Variants in IDH3A observed in about 807,000 individuals in gnomAD.
The protein encoded by IDH3A is isocitrate dehydrogenase (NAD(+)) 3 catalytic subunit alpha.
IDH3A carries 23 observed loss-of-function variants against 43.3 expected under a neutral mutation model. That is an observed-to-expected ratio of 0.53 (90% CI 0.38 to 0.75). The LOEUF is 0.75. IDH3A is among the 30% of genes least tolerant of loss of function. IDH3A has a pLI of 0.00. For synonymous variants in IDH3A, 154 were observed against 163.5 expected, an observed-to-expected ratio of 0.94 and a Z score of 0.44; for missense variants, 329 against 474.4, an observed-to-expected ratio of 0.69 and a Z score of 2.85.
chr15:78,156,830 T>C, intron 2 of IDH3A: 1 of 1,169,534 alleles, frequency 8.6e-7, no homozygotes, highest in Non-Finnish European at 1.2e-6. Flanking sequence ...TGTTACATTA[T>C]AAAAACAATA....
intron 3 of IDH3A, among the ~76,000 whole-genome samples, chr15:78,159,517 T>G (rs912708565): frequency 9.2e-5 from 14 of 152,236 alleles, no homozygotes; most frequent in African/African-American, 2.9e-4. Context: ...ACTTATGATA[T>G]TCTAACTATA....
intron 2 of IDH3A, among the ~76,000 whole-genome samples, chr15:78,156,376 G>C (rs1567069134): frequency 1.3e-5 from 2 of 152,170 alleles, no homozygotes; most frequent in Non-Finnish European, 2.9e-5. Flanking sequence ...CTAAGACTGA[G>C]GTGGGAGATT....
chr15:78,156,652 C>G (rs925257672), intron 2 of IDH3A, among the ~76,000 whole-genome samples: 9 of 152,128 alleles, frequency 5.9e-5, no homozygotes, highest in Admixed American at 2.0e-4. Flanking sequence ...GTTCAAGCAA[C>G]TAGAACTGAA....
intron 10 of IDH3A, chr15:78,168,084 A>G (rs1303996386): frequency 6.6e-6 from 1 of 152,130 alleles, no homozygotes; most frequent in Non-Finnish European, 1.5e-5. Context: ...AGCTGGTAGA[A>G]CAGATCAGTT....
At chr15:78,165,577 A>G (rs2074730917) in intron 9 of IDH3A, among the ~76,000 whole-genome samples, 1 of 152,058 alleles carries the variant, frequency 6.6e-6, no homozygotes, top group Non-Finnish European at 1.5e-5. Context: ...TTTATTATGT[A>G]TCCTTCCTTC....
rs1275168186 is a variant in IDH3A, at chr15:78,161,148, T to C, written c.290-433T>C. Among the ~76,000 whole-genome samples, 2 of 152,044 alleles carry C rather than the reference T, an allele frequency of 1.3e-5. No homozygotes were observed. The highest frequency in any genetic ancestry group is 4.8e-5 in the African/African-American group (2 of 41,400). ...CCGCCTGCCTTGGCCTCCCAAAGTG[T>C]TGGGATTACAGGCCTGAGACTGTAG... On this transcript the variant is annotated intron_variant, in intron 4 of 10. Coordinates refer to ENST00000299518, the MANE Select transcript of IDH3A (RefSeq NM_005530.3). The surrounding 1 kb of genome is among the most constrained non-coding windows in gnomAD (Gnocchi z 4.8).
rs2074555564 is a variant in IDH3A at position 78,149,552 on chromosome 15, G to C, written c.27+122G>C. On this transcript the variant is annotated intron_variant, in intron 1 of 10. Coordinates refer to ENST00000299518, the MANE Select transcript of IDH3A (RefSeq NM_005530.3). ...GACAGGGAGGCGGTGGCTGCCCGCG[G>C]GGACAGCTTGGGAGCCGGTCCTGGT... The C allele has an allele frequency of 3.9e-6, 3 of 773,734 alleles. No individual in the cohort carries two copies. The East Asian group carries it at 9.9e-5, about 26-fold the overall frequency. 47.9% of individuals were successfully genotyped at this position (773,734 alleles called of 1,614,324 possible).
rs2074684071 is a variant in IDH3A at position 78,161,830 on chromosome 15, C to T, written c.477+62C>T. On this transcript the variant is annotated intron_variant, in intron 5 of 10. Coordinates refer to ENST00000299518, the MANE Select transcript of IDH3A (RefSeq NM_005530.3). This position sits in a 1 kb window ranked among gnomAD's most constrained non-coding sequence, Gnocchi z 4.8. The stretch of plus-strand genomic sequence containing the variant: ...GACTGCTTTCTGTGCATCTGGGACC[C>T]CAGAGACAGATCTGCTTTATCTCTG... The T allele has an allele frequency of 7.1e-7, 1 of 1,405,710 alleles. No homozygotes were observed. The highest frequency in any genetic ancestry group is 1.0e-6 in the Non-Finnish European group (1 of 999,876). The allele number at this position is 1,405,710 out of a possible 1,614,324, so 87.1% of individuals were successfully genotyped here. A position where few individuals can be genotyped will look rare whatever the true frequency, so the allele number is the denominator to read the frequency against.
rs67298643 is a variant in IDH3A, at chr15:78,158,463, ATTTTTTT to A, written c.174+856_174+862del. Among the ~76,000 whole-genome samples the A allele has an allele frequency of 2.4e-4, 16 of 67,376 alleles. No individual in the cohort carries two copies. In the South Asian group the frequency reaches 5.1e-3, roughly 22 times the overall value. 44.2% of individuals were successfully genotyped at this position (67,376 alleles called of 152,430 possible). A position where few individuals can be genotyped will look rare whatever the true frequency, so the allele number is the denominator to read the frequency against. On this transcript the variant is annotated intron_variant, in intron 3 of 10. Coordinates refer to ENST00000299518, the MANE Select transcript of IDH3A (RefSeq NM_005530.3). Reference sequence around the variant, plus strand: ...TACATACATACATATATATATATATATTTTTTTTTTTTTTTTTTTTTTTTTTTTTTGA... The same window carrying A: ...TACATACATACATATATATATATATATTTTTTTTTTTTTTTTTTTTTTTGA...
At chr15:78,166,058 C>A in intron 9 of IDH3A, 92 bp from the exon 10 acceptor site, 1 of 1,197,414 alleles carries the variant, frequency 8.4e-7, no homozygotes, top group Non-Finnish European at 1.2e-6. Context: ...TTTTGTATTG[C>A]TGAGGAAAGA....
At chr15:78,168,710 A>G (rs2074780612) in intron 10 of IDH3A, 2 of 386,824 alleles carry the variant, frequency 5.2e-6, no homozygotes, top group Non-Finnish European at 9.4e-6. Flanking sequence ...TATTCTTTGC[A>G]GAGTGCTGTT....
chr15:78,164,254 T>A (rs1462331027), intron 8 of IDH3A, among the ~76,000 whole-genome samples: 1 of 150,714 alleles, frequency 6.6e-6, no homozygotes, highest in Non-Finnish European at 1.5e-5. Context: ...CCACTTTCCC[T>A]CCCTTCCTCT....
At chr15:78,160,249 A>T in intron 4 of IDH3A, 43 bp downstream of exon 4, 1 of 1,157,144 alleles carries the variant, frequency 8.6e-7, no homozygotes, top group East Asian at 2.3e-5. Context: ...GATTTCCGCT[A>T]CAGGGGTTAC....
chr15:78,156,990 C>G, intron 2 of IDH3A: 1 of 1,340,600 alleles, frequency 7.5e-7, no homozygotes, highest in Non-Finnish European at 9.8e-7. Context: ...AATGGAAGCT[C>G]TCTTGATAAA....
Position 78,162,330 on chromosome 15 carries a change from C to G in IDH3A, c.574C>G (p.Arg192Gly). ...CTTTGAGTATGCCCGGAACAACCACCGGAGCAACGTCACGGCGGTGCACAA... is the reference window on the plus strand; with the variant it reads ...CTTTGAGTATGCCCGGAACAACCACGGGAGCAACGTCACGGCGGTGCACAA... ...FAFEYARNNH[R>G]SNVTAVHKAN... Residue 192 changes from arginine (R) to glycine (G), a missense_variant, in exon 6 of 11, where the codon CGG (arginine) becomes GGG (glycine). Arg to Gly is a moderately radical substitution (Grantham distance 125). Around this residue, in one of 3 missense-constraint regions of IDH3A, gnomAD observed 212 missense variants for 345.5 expected, o/e 0.61. Transcript: ENST00000299518. The G allele has an allele frequency of 6.2e-7, 1 of 1,614,168 alleles. No homozygotes were observed. Among genetic ancestry groups the G allele is most frequent in the Non-Finnish European group, 8.5e-7 (1 of 1,180,034 alleles).
At chr15:78,164,133 G>A (rs2074711837) in intron 8 of IDH3A, among the ~76,000 whole-genome samples, 1 of 152,092 alleles carries the variant, frequency 6.6e-6, no homozygotes, top group South Asian at 2.1e-4. Context: ...CATAATTTCA[G>A]ACTTACAGAA....
At chr15:78,156,710 T>C (rs935624987) in intron 2 of IDH3A, among the ~76,000 whole-genome samples, 1 of 152,166 alleles carries the variant, frequency 6.6e-6, no homozygotes, top group Non-Finnish European at 1.5e-5. Context: ...TAATAAAATA[T>C]GTGGTTCCCA....
chr15:78,156,190 A>G (rs1487223265), intron 2 of IDH3A, among the ~76,000 whole-genome samples: 2 of 152,266 alleles, frequency 1.3e-5, no homozygotes, highest in South Asian at 2.1e-4. Context: ...TTTCAAACGC[A>G]TTCTGAAAGC....
chr15:78,157,284 A>G (rs2074630690), intron 2 of IDH3A: 3 of 801,548 alleles, frequency 3.7e-6, no homozygotes, highest in East Asian at 4.3e-5. Context: ...TGGTAGTTTA[A>G]TTTATTTTCG....
Sources: gnomAD v4.1 joint callset for allele counts (sites outside exome capture counted in the v4.1 genomes callset) on GRCh38, gnomAD v4.1.1 for gene constraint, gnomAD v4.1.1 regional missense constraint, Gnocchi (gnomAD v3.1) non-coding constraint, MANE v1.5 for transcripts, NCBI Gene and HGNC (gene_info 2026-07-23, HGNC 2026-07-21) for gene names.